Variants in ZFHX4 observed in about 807,000 individuals in gnomAD.
ZFHX4 encodes zinc finger homeobox protein 4.
In ZFHX4, 56 loss-of-function variants were observed where a neutral mutation model predicts 267.6. That is an observed-to-expected ratio of 0.21 (90% CI 0.17 to 0.26). The LOEUF (loss-of-function observed/expected upper bound fraction) is 0.26. Ranked by LOEUF, ZFHX4 falls within the 10% of genes least tolerant of loss-of-function variation. ZFHX4 has a pLI of 1.00. For missense variants in ZFHX4, 4,332 were observed against 4,420.0 expected (o/e 0.98, Z 0.56); for synonymous variants, 1,778 against 1,665.6 (o/e 1.07, Z -1.64).
intron 4 of ZFHX4, among the ~76,000 whole-genome samples, chr8:76,796,806 A>G (rs1810990303): frequency 6.6e-6 from 1 of 152,216 alleles, no homozygotes; most frequent in Non-Finnish European, 1.5e-5. Context: ...AACCAGGGAA[A>G]ATACAGGCTG....
intron 3 of ZFHX4, 80 bp downstream of exon 3, chr8:76,708,128 A>G: frequency 6.4e-7 from 1 of 1,565,590 alleles, no homozygotes; most frequent in Non-Finnish European, 8.7e-7. Flanking sequence ...ACAAGTCTCC[A>G]ACTTAAGGAA....
At chr8:76,782,898 C>T (rs189022132) in intron 4 of ZFHX4, among the ~76,000 whole-genome samples, 21 of 152,034 alleles carry the variant, frequency 1.4e-4, no homozygotes, top group Admixed American at 1.1e-3. Flanking sequence ...TTAATCAGCT[C>T]TCGTGCTATA....
In ZFHX4 at chr8:76,865,370, ACT is replaced by A. The variant is rs1586028696; in HGVS notation, c.*808_*809del. Reference sequence around the variant, plus strand: ...GAGGTAATAATTCTAGTTTTGATAGACTCTGAGGATTATGTGAACAGGACATT... The same window carrying A: ...GAGGTAATAATTCTAGTTTTGATAGACTGAGGATTATGTGAACAGGACATT... On this transcript the variant is annotated 3_prime_UTR_variant, in exon 11 of 11. Transcript: ENST00000651372. 1 of 152,448 alleles carries A rather than the reference ACT, an allele frequency of 6.6e-6. No homozygotes were observed. The highest frequency in any genetic ancestry group is 2.1e-4 in the South Asian group (1 of 4,822). The allele number at this position is 152,448 out of a possible 1,614,324, so 9.4% of individuals were successfully genotyped here. A position where few individuals can be genotyped will look rare whatever the true frequency, so the allele number is the denominator to read the frequency against.
intron 8 of ZFHX4, 184 bp downstream of exon 8, chr8:76,849,896 T>C (rs193120809): frequency 7.2e-4 from 470 of 648,382 alleles, no homozygotes; most frequent in Admixed American, 1.8e-3. Flanking sequence ...GAAAAAAATA[T>C]GGTACAAGGC....
At chr8:76,762,963 G>C (rs1170379822) in intron 3 of ZFHX4, among the ~76,000 whole-genome samples, 1 of 152,164 alleles carries the variant, frequency 6.6e-6, no homozygotes. Flanking sequence ...ACTAAGATCT[G>C]TCCTTGACAC....
At chr8:76,778,938 A>C (rs557601994) in intron 4 of ZFHX4, among the ~76,000 whole-genome samples, 1 of 152,296 alleles carries the variant, frequency 6.6e-6, no homozygotes, top group East Asian at 1.9e-4. Context: ...TGTTAATGCT[A>C]CTTTGCAAAA....
intron 3 of ZFHX4, among the ~76,000 whole-genome samples, chr8:76,719,715 C>T (rs1808669817): frequency 6.6e-6 from 1 of 152,146 alleles, no homozygotes; most frequent in Non-Finnish European, 1.5e-5. Flanking sequence ...GATTTAGAGA[C>T]ATCCTTGAAA....
At chr8:76,773,953 A>G (rs1340174969) in intron 3 of ZFHX4, among the ~76,000 whole-genome samples, 2 of 152,204 alleles carry the variant, frequency 1.3e-5, no homozygotes, top group African/African-American at 4.8e-5. Flanking sequence ...AGAATCAGCT[A>G]TTCTGTGAAA....
intron 4 of ZFHX4, among the ~76,000 whole-genome samples, chr8:76,829,325 G>A (rs1811867708): frequency 6.6e-6 from 1 of 151,972 alleles, no homozygotes; most frequent in South Asian, 2.1e-4. Flanking sequence ...GGAACTTGAT[G>A]ATTTTTGAAC....
chr8:76,851,028 A>C lies in ZFHX4; in HGVS notation c.4107A>C (p.Lys1369Asn). The C allele has an allele frequency of 6.2e-7, 1 of 1,613,934 alleles. No homozygotes were observed. Among genetic ancestry groups the C allele is most frequent in the East Asian group, 2.2e-5 (1 of 44,860 alleles). The change falls in exon 10 of 11, where the codon AAA becomes AAC. Residue 1369 changes from lysine (K) to asparagine (N), a missense_variant. Coordinates refer to ENST00000651372, the MANE Select transcript of ZFHX4 (RefSeq NM_024721.5). ...EWNKNSSKDVKIPDTLQDQLN... is the reference protein window; with the variant it reads ...EWNKNSSKDVNIPDTLQDQLN... ...ATAAAAATAGCAGTAAGGATGTGAA[A>C]ATCCCCGACACACTGCAAGATCAAT...
chr8:76,817,757 T>C (rs529487738), intron 4 of ZFHX4, among the ~76,000 whole-genome samples: 4 of 152,338 alleles, frequency 2.6e-5, no homozygotes, highest in East Asian at 1.9e-4. Context: ...CCTATTTCAA[T>C]TGGATTTTAA....
chr8:76,795,700 A>AC (rs1250715838), intron 4 of ZFHX4, among the ~76,000 whole-genome samples: 1 of 151,254 alleles, frequency 6.6e-6, no homozygotes, highest in Non-Finnish European at 1.5e-5. Context: ...GCACCACCAC[A>AC]CCCGGCTAAT....
chr8:76,809,070 A>T (rs561684541), intron 4 of ZFHX4, among the ~76,000 whole-genome samples: 1 of 152,220 alleles, frequency 6.6e-6, no homozygotes, highest in Admixed American at 6.5e-5. Context: ...GAATGAAAAG[A>T]CCATCTGGAT....
At chr8:76,839,130 G>T (rs1257659590) in intron 5 of ZFHX4, among the ~76,000 whole-genome samples, 6 of 151,506 alleles carry the variant, frequency 4.0e-5, no homozygotes. Flanking sequence ...ACAATTGGGT[G>T]GTACTTAGAT....
chr8:76,835,238 T>TAC (rs1812049980), intron 5 of ZFHX4, among the ~76,000 whole-genome samples: 2 of 117,918 alleles, frequency 1.7e-5, no homozygotes, highest in Admixed American at 8.6e-5. Flanking sequence ...TATATATATA[T>TAC]ATGTATATAT....
Position 76,806,478 on chromosome 8 carries a change from AT to A in ZFHX4, c.3326-26854del, listed in dbSNP as rs570927187. 2.3e-3 allele frequency among the ~76,000 whole-genome samples: 352 copies of A among 152,156 alleles called. 1 individual carries two copies. The highest frequency in any genetic ancestry group is 3.4e-3 in the Middle Eastern group (1 of 294). On this transcript the variant is annotated intron_variant, in intron 4 of 10. Coordinates refer to ENST00000651372, the MANE Select transcript of ZFHX4 (RefSeq NM_024721.5). ...GACACAGAAAAAATATTAGCAAATA[AT>A]TTTTTAAGAGGTGTAAATCTGGCTG...
Position 76,705,907 on chromosome 8 carries a change from G to T in ZFHX4, c.1819G>T (p.Gly607Cys). ...TGGCACACCAGGGCCTGGAGGAGAC[G>T]GCTCACCGGGCAGTGGCATCGAGTG... Reference protein sequence around the residue: ...TPGTPGPGGDGSPGSGIECPK... With the variant: ...TPGTPGPGGDCSPGSGIECPK... Residue 607 changes from glycine to cysteine, a missense_variant, in exon 2 of 11, where the codon GGC becomes TGC. This residue lies in a region of ZFHX4 where 1,195 missense variants were observed against 1,173.6 expected (regional missense o/e 1.02). Transcript: ENST00000651372. The T allele has an allele frequency of 1.2e-6, 2 of 1,613,732 alleles. No homozygotes were observed. Among genetic ancestry groups the T allele is most frequent in the African/African-American group, 1.3e-5 (1 of 74,962 alleles).
At chr8:76,729,314 GA>G (rs1808936688) in intron 3 of ZFHX4, among the ~76,000 whole-genome samples, 1 of 152,094 alleles carries the variant, frequency 6.6e-6, no homozygotes. Flanking sequence ...ATAAATCTGT[GA>G]GTAAATTGAT....
At chr8:76,789,017 A>G (rs542852445) in intron 4 of ZFHX4, among the ~76,000 whole-genome samples, 20 of 152,364 alleles carry the variant, frequency 1.3e-4, no homozygotes, top group Non-Finnish European at 2.5e-4. Context: ...GTTTGCAACT[A>G]AAGTATTTAT....
Sources: allele counts gnomAD v4.1 joint callset (sites outside exome capture counted in the v4.1 genomes callset), GRCh38; gene constraint gnomAD v4.1.1; regional missense constraint gnomAD v4.1.1; transcripts MANE v1.5; gene names NCBI Gene and HGNC (gene_info 2026-07-23, HGNC 2026-07-21).